GALNT15: variants seen among roughly 807,000 people sequenced by gnomAD.
The protein encoded by GALNT15 is UDP-GalNAc transferase T15.
GALNT15 carries 67 observed loss-of-function variants against 66.8 expected under a neutral mutation model. That is an observed-to-expected ratio of 1.00 (90% confidence interval 0.82 to 1.23). The LOEUF (loss-of-function observed/expected upper bound fraction) is 1.23, where lower values mean the gene tolerates loss of function less well. Ranked by LOEUF, GALNT15 falls within the 50% of genes most tolerant of loss-of-function variation. The pLI is 0.00. For missense variants in GALNT15, 827 were observed against 804.3 expected, an observed-to-expected ratio of 1.03 and a Z score of -0.34; for synonymous variants, 313 against 311.5, an observed-to-expected ratio of 1.00 and a Z score of -0.05.
At chr3:16,236,082 G>A (rs971495472), downstream of GALNT15, among the ~76,000 whole-genome samples, 1 of 79,830 alleles carries the variant, frequency 1.3e-5, no homozygotes, top group South Asian at 4.3e-4. Flanking sequence ...TCCAGCATGG[G>A]CAACAGAGCA....
At chr3:16,192,885 C>T (rs2063594264) in intron 1 of GALNT15, among the ~76,000 whole-genome samples, 1 of 152,170 alleles carries the variant, frequency 6.6e-6, no homozygotes. Flanking sequence ...TTAGGGACTT[C>T]TTGCTAAAGT....
chr3:16,233,092 A>ATGTTTTTTTTTTTTTTTTTTTTTTTTT (rs771943641), downstream of GALNT15, among the ~76,000 whole-genome samples: 2 of 48,074 alleles, frequency 4.2e-5, no homozygotes, highest in African/African-American at 1.8e-4. Flanking sequence ...AGGATAATGC[A>ATGTTTTTTTTTTTTTTTTTTTTTTTTT]TCTTTTTTTT....
chr3:16,240,482 A>G, the GALNT15 span, among the ~76,000 whole-genome samples: 13 of 152,340 alleles, frequency 8.5e-5, no homozygotes, highest in South Asian at 2.3e-3. Context: ...GGGAAGGCAG[A>G]GATATTTCAA....
Position 16,219,664 on chromosome 3 carries a change from T to A in GALNT15, c.1524+130T>A, listed in dbSNP as rs2063920090. ...CAGGGCCTCAGAGGCCTTGGGTCCA[T>A]CCCGTGCCTCCATGCCAGTCTGAGG... On this transcript the variant is annotated intron_variant, in intron 7 of 9. Transcript: ENST00000339732. The surrounding 1 kb of genome is among the most constrained non-coding windows in gnomAD (Gnocchi z 4.3). The A allele has an allele frequency of 7.8e-7, 1 of 1,286,066 alleles. No homozygotes were observed. Among genetic ancestry groups the A allele is most frequent in the Non-Finnish European group, 1.1e-6 (1 of 922,368 alleles). The allele number at this position is 1,286,066 out of a possible 1,614,324, so 79.7% of individuals were successfully genotyped here. A position where few individuals can be genotyped will look rare whatever the true frequency, so the allele number is the denominator to read the frequency against.
rs1370276862 is a variant in GALNT15 at position 16,219,911 on chromosome 3, T to C, written c.1526T>C (p.Leu509Pro). 6 of 1,613,068 alleles carry C rather than the reference T, an allele frequency of 3.7e-6. No individual in the cohort carries two copies. Among genetic ancestry groups the C allele is most frequent in the Non-Finnish European group, 4.2e-6 (5 of 1,179,150 alleles). ...SEPRPSFSGKLHNTGLGLCAD... is the reference protein window; with the variant it reads ...SEPRPSFSGKPHNTGLGLCAD... ...TCCTGTGTGTGTGTCCACTTTCAGC[T>C]CCACAACACTGGACTTGGGCTCTGT... The change falls in exon 8 of 10, where the codon CTC becomes CCC. Residue 509 changes from leucine to proline, a missense_variant and splice_region_variant. Physicochemically the swap from Leu to Pro is moderately conservative, Grantham distance 98 (BLOSUM62 -3). Coordinates refer to ENST00000339732, the MANE Select transcript of GALNT15 (RefSeq NM_054110.5). This position sits in a 1 kb window ranked among gnomAD's most constrained non-coding sequence, Gnocchi z 4.3.
In GALNT15 at chr3:16,225,211, C is replaced by G. The variant is rs1370266795; in HGVS notation, c.1774-2143C>G. Among the ~76,000 whole-genome samples the G allele has an allele frequency of 6.6e-6, 1 of 152,130 alleles. No homozygotes were observed. The highest frequency in any genetic ancestry group is 1.5e-5 in the Non-Finnish European group (1 of 68,028). On this transcript the variant is annotated intron_variant, in intron 9 of 9. Coordinates refer to ENST00000339732, the MANE Select transcript of GALNT15 (RefSeq NM_054110.5). This position sits in a 1 kb window ranked among gnomAD's most constrained non-coding sequence, Gnocchi z 4.4. Reference sequence around the variant, plus strand: ...CCTCAAGAACTCGCTATCAAGAAGACAGCACGAAGCCATGAGGGATCTGTC... The same window carrying G: ...CCTCAAGAACTCGCTATCAAGAAGAGAGCACGAAGCCATGAGGGATCTGTC...
Position 16,199,606 on chromosome 3 carries a change from T to C in GALNT15, c.707-1013T>C, listed in dbSNP as rs1284713408. On this transcript the variant is annotated intron_variant, in intron 2 of 9. Transcript: ENST00000339732. ...AGGGTGTACTCTCAGGGGAAATCTG[T>C]AGGGGAGTGAGTGATACAGAAGAGA... Among the ~76,000 whole-genome samples, 2 of 110,254 alleles carry C rather than the reference T, an allele frequency of 1.8e-5. 1 individual carries two copies. The highest frequency in any genetic ancestry group is 4.0e-5 in the Non-Finnish European group (2 of 49,556). 72.3% of individuals were successfully genotyped at this position (110,254 alleles called of 152,430 possible).
the GALNT15 span, among the ~76,000 whole-genome samples, chr3:16,239,356 A>G: frequency 3.2e-4 from 49 of 152,280 alleles, no homozygotes; most frequent in African/African-American, 1.2e-3. The surrounding 1 kb of genome is among the most constrained non-coding windows in gnomAD (Gnocchi z 5.2). Flanking sequence ...GTGACAGTAC[A>G]TGCATTTTGA....
In GALNT15 at chr3:16,209,589, G is replaced by A. The variant is rs193225435; in HGVS notation, c.1079+919G>A. On this transcript the variant is annotated intron_variant, in intron 4 of 9. Transcript: ENST00000339732. The surrounding 1 kb of genome is among the most constrained non-coding windows in gnomAD (Gnocchi z 4.1). ...TCCTAGCACTTTGGGAGGCAGAGGC[G>A]GGCTGATCACTCGAGGCCAGGAGTT... 6.6e-6 allele frequency among the ~76,000 whole-genome samples: 1 copy of A among 152,114 alleles called. No homozygotes were observed. The highest frequency in any genetic ancestry group is 6.5e-5 in the Admixed American group (1 of 15,272).
chr3:16,191,129 C>T lies in GALNT15; in HGVS notation c.540-4631C>T, dbSNP rs575384710. 1.3e-5 allele frequency among the ~76,000 whole-genome samples: 2 copies of T among 152,358 alleles called. No individual in the cohort carries two copies. Among genetic ancestry groups the T allele is most frequent in the East Asian group, 1.9e-4 (1 of 5,188 alleles). On this transcript the variant is annotated intron_variant, in intron 1 of 9. Coordinates refer to ENST00000339732, the MANE Select transcript of GALNT15 (RefSeq NM_054110.5). The surrounding 1 kb of genome is among the most constrained non-coding windows in gnomAD (Gnocchi z 5.2). Reference sequence around the variant, plus strand: ...CCCATCCATTGGTTCACCATCTTCTCTCTCACTATGAGGAGAGAAGTTACA... The same window carrying T: ...CCCATCCATTGGTTCACCATCTTCTTTCTCACTATGAGGAGAGAAGTTACA...
rs1237369955 is a variant in GALNT15, at chr3:16,212,520, G to A, written c.1198-49G>A. On this transcript the variant is annotated intron_variant, in intron 5 of 9. Coordinates refer to ENST00000339732, the MANE Select transcript of GALNT15 (RefSeq NM_054110.5). ...TAGATAGGGCTCCCTATTTCCCGCCGTTCTTAAAGGTGGAATGCTGAGGTG... is the reference window on the plus strand; with the variant it reads ...TAGATAGGGCTCCCTATTTCCCGCCATTCTTAAAGGTGGAATGCTGAGGTG... 7.1e-6 allele frequency: 11 copies of A among 1,555,882 alleles called. 1 individual carries two copies. The highest frequency in any genetic ancestry group is 4.8e-5 in the South Asian group (4 of 84,078).
chr3:16,238,362 C>T, the GALNT15 span, among the ~76,000 whole-genome samples: 34 of 152,204 alleles, frequency 2.2e-4, no homozygotes, highest in African/African-American at 7.5e-4. This position sits in a 1 kb window ranked among gnomAD's most constrained non-coding sequence, Gnocchi z 4.8. Context: ...TACTAACTTA[C>T]TAGCACATAC....
intron 3 of GALNT15, among the ~76,000 whole-genome samples, chr3:16,206,943 G>A (rs530866701): frequency 5.3e-4 from 81 of 152,200 alleles, no homozygotes; most frequent in African/African-American, 1.8e-3. Context: ...AGGGGCTCTG[G>A]GTGCCCTCAT....
At chr3:16,207,929 C>T (rs915854114) in intron 3 of GALNT15, among the ~76,000 whole-genome samples, 2 of 152,120 alleles carry the variant, frequency 1.3e-5, no homozygotes, top group African/African-American at 4.8e-5. Flanking sequence ...ACCTCCCATT[C>T]TACAAATGAG....
chr3:16,221,963 A>G (rs932108738), intron 8 of GALNT15, among the ~76,000 whole-genome samples: 2 of 152,234 alleles, frequency 1.3e-5, no homozygotes, highest in African/African-American at 4.8e-5. Context: ...TCTAAGCATG[A>G]GGCCCCATGT....
At chr3:16,205,376 T>A (rs1390670449) in intron 3 of GALNT15, among the ~76,000 whole-genome samples, 1 of 152,246 alleles carries the variant, frequency 6.6e-6, no homozygotes, top group African/African-American at 2.4e-5. Flanking sequence ...CAGTTAGCTC[T>A]TGAATATCTG....
Position 16,175,613 on chromosome 3 carries a change from G to A in GALNT15, c.462G>A (p.Leu154=). The A allele has an allele frequency of 6.2e-7, 1 of 1,613,430 alleles. No homozygotes were observed. Among genetic ancestry groups the A allele is most frequent in the Non-Finnish European group, 8.5e-7 (1 of 1,179,978 alleles). The part of the protein sequence containing the change: ...SEEEELTPFS[L]DPRGLQEALS... ...AAGAGGAGTTGACCCCGTTCAGCCTGGACCCACGTGGCCTCCAGGAGGCAC... is the reference window on the plus strand; with the variant it reads ...AAGAGGAGTTGACCCCGTTCAGCCTAGACCCACGTGGCCTCCAGGAGGCAC... Residue 154 remains leucine, a synonymous_variant, in exon 1 of 10, where the codon CTG becomes CTA. Transcript: ENST00000339732. The surrounding 1 kb of genome is among the most constrained non-coding windows in gnomAD (Gnocchi z 5.6).
At chr3:16,222,579 T>C in intron 8 of GALNT15, 36 bp from the exon 9 acceptor site, 1 of 1,613,606 alleles carries the variant, frequency 6.2e-7, no homozygotes, top group Non-Finnish European at 8.5e-7. Flanking sequence ...GAGGATCTCT[T>C]TCTAGCTGCG....
chr3:16,195,553 G>A lies in GALNT15; in HGVS notation c.540-207G>A, dbSNP rs1226736222. ...GGACTTTGGATTAAATGATAAAGGAGCTCTTGAGATCTGAGAATTGGGAGA... is the reference window on the plus strand; with the variant it reads ...GGACTTTGGATTAAATGATAAAGGAACTCTTGAGATCTGAGAATTGGGAGA... On this transcript the variant is annotated intron_variant, in intron 1 of 9. Coordinates refer to ENST00000339732, the MANE Select transcript of GALNT15 (RefSeq NM_054110.5). This position sits in a 1 kb window ranked among gnomAD's most constrained non-coding sequence, Gnocchi z 4.6. 6.6e-6 allele frequency among the ~76,000 whole-genome samples: 1 copy of A among 152,222 alleles called. No individual in the cohort carries two copies. The highest frequency in any genetic ancestry group is 2.4e-5 in the African/African-American group (1 of 41,470).
Sources: gnomAD v4.1 joint callset for allele counts (sites outside exome capture counted in the v4.1 genomes callset) on GRCh38, gnomAD v4.1.1 for gene constraint, Gnocchi (gnomAD v3.1) non-coding constraint, MANE v1.5 for transcripts, NCBI Gene and HGNC (gene_info 2026-07-23, HGNC 2026-07-21) for gene names.